Variants in FOXO3 observed in about 807,000 individuals in gnomAD.
The protein encoded by FOXO3 is forkhead box O3, also known as forkhead box protein O3.
Under a neutral mutation model 41.9 loss-of-function variants are expected in FOXO3, and 4 were observed. The observed-to-expected ratio is 0.10, with a 90% CI of 0.05 to 0.22. The LOEUF is 0.22. Ranked by LOEUF, FOXO3 falls within the 10% of genes least tolerant of loss-of-function variation. The pLI is 1.00. For missense variants in FOXO3, 534 were observed against 906.8 expected (o/e 0.59, Z 5.28); for synonymous variants, 318 against 389.3 (o/e 0.82, Z 2.16).
chr6:108,649,421 C>T (rs1012787903), intron 1 of FOXO3, among the ~76,000 whole-genome samples: 5 of 151,408 alleles, frequency 3.3e-5, no homozygotes, highest in African/African-American at 1.2e-4. Context: ...CAAAGACATT[C>T]AGTAACACAA....
intron 1 of FOXO3, among the ~76,000 whole-genome samples, chr6:108,644,547 G>A (rs2128380456): frequency 6.6e-6 from 1 of 152,136 alleles, no homozygotes; most frequent in South Asian, 2.1e-4. Context: ...TCCTGGGCAC[G>A]ATCGCCACAC....
chr6:108,598,820 A>G (rs1285606547), intron 1 of FOXO3, among the ~76,000 whole-genome samples: 2 of 152,086 alleles, frequency 1.3e-5, no homozygotes, highest in African/African-American at 4.8e-5. Flanking sequence ...CAAGATGTGG[A>G]TGGTTGATAA....
chr6:108,588,491 T>C (rs937957327), intron 1 of FOXO3, among the ~76,000 whole-genome samples: 4 of 152,228 alleles, frequency 2.6e-5, no homozygotes, highest in African/African-American at 9.6e-5. Flanking sequence ...TATAAAATTA[T>C]AAAGAATGCA....
intron 1 of FOXO3, among the ~76,000 whole-genome samples, chr6:108,620,264 C>T (rs1341350423): frequency 6.6e-6 from 1 of 152,150 alleles, no homozygotes; most frequent in East Asian, 1.9e-4. Context: ...AACGTGGTTT[C>T]ATGTGCCTTT....
chr6:108,669,069 C>T lies in FOXO3; in HGVS notation c.*34+4180C>T, dbSNP rs78380845. Among the ~76,000 whole-genome samples the T allele has an allele frequency of 9.3e-4, 141 of 152,194 alleles. 3 individuals carry two copies. The East Asian group carries it at 0.024, about 26-fold the overall frequency. On this transcript the variant is annotated intron_variant, in intron 2 of 2. Coordinates refer to ENST00000406360, the MANE Select transcript of FOXO3 (RefSeq NM_001455.4). ...CGGAGCTTGCAGTGAGCTGAGACTG[C>T]GCCACTGCACTGCAGCCTGGGTGAC...
At chr6:108,622,664 C>A (rs1777701604) in intron 1 of FOXO3, among the ~76,000 whole-genome samples, 1 of 152,118 alleles carries the variant, frequency 6.6e-6, no homozygotes, top group Non-Finnish European at 1.5e-5. Context: ...AGGGAAGGGG[C>A]CCGTGTGAGG....
chr6:108,563,529 A>G (rs1308774482), intron 1 of FOXO3, among the ~76,000 whole-genome samples: 2 of 152,236 alleles, frequency 1.3e-5, no homozygotes, highest in African/African-American at 4.8e-5. Flanking sequence ...AGGAAGGCGT[A>G]AGCGGACAGG....
At chr6:108,649,704 A>G (rs577407200) in intron 1 of FOXO3, among the ~76,000 whole-genome samples, 2 of 151,438 alleles carry the variant, frequency 1.3e-5, no homozygotes, top group Non-Finnish European at 2.9e-5. Flanking sequence ...TTCCCTTTCT[A>G]TCCACAAATT....
intron 1 of FOXO3, among the ~76,000 whole-genome samples, chr6:108,618,558 A>G (rs1388224102): frequency 1.3e-5 from 2 of 152,260 alleles, no homozygotes; most frequent in Non-Finnish European, 2.9e-5. Flanking sequence ...CAGAGCACCC[A>G]TTAGGAATGA....
chr6:108,597,995 A>G (rs773506310), intron 1 of FOXO3, among the ~76,000 whole-genome samples: 1 of 152,250 alleles, frequency 6.6e-6, no homozygotes, highest in Non-Finnish European at 1.5e-5. Context: ...TTTTAAACCC[A>G]TAAATTCTAA....
chr6:108,665,996 T>C (rs1779048101), intron 2 of FOXO3, among the ~76,000 whole-genome samples: 1 of 151,088 alleles, frequency 6.6e-6, no homozygotes, highest in African/African-American at 2.5e-5. Context: ...TTTAATGTTC[T>C]CAGAACCACA....
chr6:108,582,594 T>G (rs1182852301), intron 1 of FOXO3, among the ~76,000 whole-genome samples: 1 of 152,154 alleles, frequency 6.6e-6, no homozygotes, highest in Non-Finnish European at 1.5e-5. Context: ...GTTTTTGTCA[T>G]GGAGATAGTA....
chr6:108,580,343 C>T (rs908888266), intron 1 of FOXO3, among the ~76,000 whole-genome samples: 4 of 151,968 alleles, frequency 2.6e-5, no homozygotes, highest in Admixed American at 6.6e-5. Context: ...TGCCCACCAT[C>T]GTGCTCGGCT....
intron 1 of FOXO3, among the ~76,000 whole-genome samples, chr6:108,657,495 C>A (rs1442954397): frequency 6.6e-6 from 1 of 152,138 alleles, no homozygotes; most frequent in Non-Finnish European, 1.5e-5. Context: ...AAGGCACATC[C>A]CTAGTTCTTC....
At chr6:108,602,318 C>T (rs541991354) in intron 1 of FOXO3, among the ~76,000 whole-genome samples, 66 of 152,194 alleles carry the variant, frequency 4.3e-4, no homozygotes, top group African/African-American at 1.4e-3. Context: ...CATTCTCATA[C>T]CCTTGCCAAC....
intron 2 of FOXO3, among the ~76,000 whole-genome samples, chr6:108,678,490 A>G (rs936527703): frequency 7.9e-5 from 9 of 113,654 alleles, no homozygotes; most frequent in African/African-American, 2.1e-4. Context: ...CTCTATGAAT[A>G]TACTTTTTTT....
At chr6:108,635,656 C>A (rs1778101691) in intron 1 of FOXO3, among the ~76,000 whole-genome samples, 1 of 152,160 alleles carries the variant, frequency 6.6e-6, no homozygotes, top group South Asian at 2.1e-4. Context: ...AGAGGCACAT[C>A]CTGTCATAGC....
chr6:108,663,908 A>G lies in FOXO3; in HGVS notation c.1075A>G (p.Ser359Gly). The part of the protein sequence containing the change: ...SSSASLSPSV[S>G]KPCTVELPRL... ...CTCAGCCAGCCTGTCACCTTCAGTA[A>G]GCAAGCCGTGCACGGTGGAACTGCC... Residue 359 changes from serine to glycine, a missense_variant, in exon 2 of 3, where the codon AGC (serine) becomes GGC (glycine). Physicochemically the swap from Ser to Gly is moderately conservative, Grantham distance 56. Coordinates refer to ENST00000406360, the MANE Select transcript of FOXO3 (RefSeq NM_001455.4). The G allele has an allele frequency of 6.2e-7, 1 of 1,614,210 alleles. No individual in the cohort carries two copies. Among genetic ancestry groups the G allele is most frequent in the Non-Finnish European group, 8.5e-7 (1 of 1,180,012 alleles).
intron 1 of FOXO3, chr6:108,639,623 C>T: frequency 1.0e-6 from 1 of 979,742 alleles, no homozygotes; most frequent in African/African-American, 1.7e-5. Context: ...TGGTTTGCTC[C>T]TGGTTGAGCT....
Sources: allele counts gnomAD v4.1 joint callset (sites outside exome capture counted in the v4.1 genomes callset), GRCh38; gene constraint gnomAD v4.1.1; transcripts MANE v1.5; gene names NCBI Gene and HGNC (gene_info 2026-07-23, HGNC 2026-07-21).